MYBPC1: variants seen among roughly 807,000 people sequenced by gnomAD.
The protein encoded by MYBPC1 is myosin-binding protein C, slow-type.
MYBPC1 carries 52 observed loss-of-function variants against 147.1 expected under a neutral mutation model. The observed-to-expected ratio is 0.35, with a 90% CI of 0.28 to 0.45. MYBPC1 has a LOEUF of 0.45. MYBPC1 is among the 20% of genes least tolerant of loss of function. MYBPC1 has a pLI of 1.00. For synonymous variants in MYBPC1, 477 were observed against 475.9 expected, an observed-to-expected ratio of 1.00 and a Z score of -0.03; for missense variants, 1,228 against 1,440.3, an observed-to-expected ratio of 0.85 and a Z score of 2.39.
intron 18 of MYBPC1, among the ~76,000 whole-genome samples, chr12:101,654,703 T>C (rs1396292756): frequency 6.6e-6 from 1 of 152,074 alleles, no homozygotes; most frequent in Non-Finnish European, 1.5e-5. Flanking sequence ...AAGGAACATA[T>C]GAAAGGATTA....
At chr12:101,678,304 T>C in intron 28 of MYBPC1, 66 bp downstream of exon 28, 1 of 1,591,784 alleles carries the variant, frequency 6.3e-7, no homozygotes, top group South Asian at 1.1e-5. Flanking sequence ...ATAATGTAAG[T>C]AACAATGTAA....
chr12:101,606,981 T>A (rs1430904452), intron 1 of MYBPC1, among the ~76,000 whole-genome samples: 1 of 152,084 alleles, frequency 6.6e-6, no homozygotes, highest in Admixed American at 6.6e-5. Context: ...CACATCACCA[T>A]GCCCGACTAA....
At position 101,673,434 on chromosome 12, in the gene MYBPC1, C is replaced by A; in HGVS notation, c.2621C>A (p.Pro874Gln). 6.2e-7 allele frequency: 1 copy of A among 1,612,394 alleles called. No individual in the cohort carries two copies. Among genetic ancestry groups the A allele is most frequent in the South Asian group, 1.1e-5 (1 of 90,992 alleles). ...TGCTGTCTTTCTTTTTAGGGAAAAC[C>A]AAGACCAGAATTAACTTGGAAGAAG... Reference protein sequence around the residue: ...VNLVIPFQGKPRPELTWKKDG... With the variant: ...VNLVIPFQGKQRPELTWKKDG... The change falls in exon 25 of 32, where the codon CCA becomes CAA. Residue 874 changes from proline to glutamine, a missense_variant. This residue lies in a region of MYBPC1 where 1,077 missense variants were observed against 1,314.2 expected (regional missense o/e 0.82). Coordinates refer to ENST00000361466, the MANE Select transcript of MYBPC1 (RefSeq NM_002465.4).
At chr12:101,666,865 C>G in intron 22 of MYBPC1, 1 of 1,330,860 alleles carries the variant, frequency 7.5e-7, no homozygotes, top group Non-Finnish European at 1.1e-6. Context: ...TATTGAATGA[C>G]CAAGCATGAA....
chr12:101,621,722 A>G (rs1020166130), intron 3 of MYBPC1, among the ~76,000 whole-genome samples: 2 of 152,208 alleles, frequency 1.3e-5, no homozygotes, highest in Non-Finnish European at 2.9e-5. Context: ...GGCAATTTAA[A>G]ATCAACCATA....
intron 9 of MYBPC1, among the ~76,000 whole-genome samples, chr12:101,634,816 GT>G (rs1273698442): frequency 2.6e-5 from 4 of 152,146 alleles, no homozygotes; most frequent in Non-Finnish European, 5.9e-5. Flanking sequence ...GAATGTTCTT[GT>G]TATAAAGAAG....
At chr12:101,633,138 T>C (rs1890248169) in intron 8 of MYBPC1, among the ~76,000 whole-genome samples, 1 of 152,188 alleles carries the variant, frequency 6.6e-6, no homozygotes, top group Non-Finnish European at 1.5e-5. Flanking sequence ...TTTGGAGTGA[T>C]GTCTTTAGCC....
At chr12:101,694,984 A>AT in the MYBPC1 span, among the ~76,000 whole-genome samples, 1 of 152,222 alleles carries the variant, frequency 6.6e-6, no homozygotes, top group Non-Finnish European at 1.5e-5. Context: ...CTTATCTCCT[A>AT]GGATACATGT....
chr12:101,694,645 C>T, the MYBPC1 span, among the ~76,000 whole-genome samples: 4 of 152,332 alleles, frequency 2.6e-5, no homozygotes, highest in African/African-American at 9.6e-5. Flanking sequence ...CTAAGAAACA[C>T]ACTTTGACTT....
chr12:101,602,756 C>A (rs1042956179), intron 1 of MYBPC1, among the ~76,000 whole-genome samples: 25 of 152,138 alleles, frequency 1.6e-4, no homozygotes, highest in Admixed American at 6.5e-5. Context: ...TCATTCCCAC[C>A]ACTATATTTC....
rs759220214 is a variant in MYBPC1 at position 101,669,928 on chromosome 12, G to GAAAAA, written c.2525-386_2525-382dup. On this transcript the variant is annotated intron_variant, in intron 23 of 31. Coordinates refer to ENST00000361466, the MANE Select transcript of MYBPC1 (RefSeq NM_002465.4). Reference sequence around the variant, plus strand: ...CCTGGGCGACAGAGAGAGACTCTCTGAAAAAAAAAAAGAAAAAAAAAAAGA... The same window carrying GAAAAA: ...CCTGGGCGACAGAGAGAGACTCTCTGAAAAAAAAAAAAAAAAGAAAAAAAAAAAGA... 2.2e-3 allele frequency: 394 copies of GAAAAA among 177,394 alleles called. 5 individuals carry two copies. Among genetic ancestry groups the GAAAAA allele is most frequent in the Middle Eastern group, 7.2e-3 (3 of 418 alleles). 11.0% of individuals were successfully genotyped at this position (177,394 alleles called of 1,614,324 possible). A position where few individuals can be genotyped will look rare whatever the true frequency, so the allele number is the denominator to read the frequency against.
At chr12:101,677,084 A>G in intron 26 of MYBPC1, 151 bp from the exon 27 acceptor site, 1 of 720,612 alleles carries the variant, frequency 1.4e-6, no homozygotes, top group Non-Finnish European at 2.3e-6. Flanking sequence ...ACACATTTTA[A>G]CAACATATAT....
chr12:101,609,270 A>C (rs985512309), intron 1 of MYBPC1, among the ~76,000 whole-genome samples: 4 of 151,984 alleles, frequency 2.6e-5, no homozygotes, highest in Admixed American at 2.0e-4. Context: ...AAAAATGCAG[A>C]ATCTTTTTAG....
intron 13 of MYBPC1, among the ~76,000 whole-genome samples, chr12:101,647,750 A>G (rs1893519101): frequency 1.3e-5 from 2 of 152,080 alleles, no homozygotes. Context: ...AGTTGGGTGT[A>G]GTGGCATGCA....
intron 13 of MYBPC1, 72 bp downstream of exon 13, chr12:101,646,959 G>A (rs1454905771): frequency 6.3e-7 from 1 of 1,574,880 alleles, no homozygotes; most frequent in African/African-American, 1.4e-5. Flanking sequence ...TGATCAAAGT[G>A]AAAGTAACTG....
the MYBPC1 span, among the ~76,000 whole-genome samples, chr12:101,691,367 C>T: frequency 2.6e-5 from 4 of 152,184 alleles, no homozygotes; most frequent in East Asian, 1.9e-4. Context: ...CCACTGCACC[C>T]GGCCTCTAGC....
chr12:101,625,692 A>T (rs1888421497), intron 3 of MYBPC1, among the ~76,000 whole-genome samples: 1 of 152,214 alleles, frequency 6.6e-6, no homozygotes, highest in Non-Finnish European at 1.5e-5. Context: ...GCTCCAGCCC[A>T]CTGAACCTCT....
In MYBPC1 at chr12:101,680,437, G is replaced by A. The variant is rs775280389; in HGVS notation, c.3341G>A (p.Arg1114His). 4.3e-6 allele frequency: 7 copies of A among 1,613,940 alleles called. No individual in the cohort carries two copies. The highest frequency in any genetic ancestry group is 1.1e-5 in the South Asian group (1 of 91,084). ...CAGGGAGTCTGTACCCTGGAAATTCGCAAGCCCAGCCCCTATGATGGAGGC... is the reference window on the plus strand; with the variant it reads ...CAGGGAGTCTGTACCCTGGAAATTCACAAGCCCAGCCCCTATGATGGAGGC... Reference protein sequence around the residue: ...SNQGVCTLEIRKPSPYDGGTY... With the variant: ...SNQGVCTLEIHKPSPYDGGTY... Residue 1114 changes from arginine (R) to histidine (H), a missense_variant, in exon 29 of 32, where the codon CGC (arginine) becomes CAC (histidine). This residue lies in a region of MYBPC1 where 1,077 missense variants were observed against 1,314.2 expected (regional missense o/e 0.82). Transcript: ENST00000361466.
At chr12:101,624,190 C>G (rs1197565684) in intron 3 of MYBPC1, among the ~76,000 whole-genome samples, 1 of 151,706 alleles carries the variant, frequency 6.6e-6, no homozygotes, top group East Asian at 1.9e-4. Context: ...TCCCACATGA[C>G]CCAGTAAATC....
Sources: allele counts gnomAD v4.1 joint callset (sites outside exome capture counted in the v4.1 genomes callset), GRCh38; gene constraint gnomAD v4.1.1; regional missense constraint gnomAD v4.1.1; transcripts MANE v1.5; gene names NCBI Gene and HGNC (gene_info 2026-07-23, HGNC 2026-07-21).